CREB5: variants seen among roughly 807,000 people sequenced by gnomAD.
The protein encoded by CREB5 is cAMP responsive element binding protein 5.
CREB5 carries 19 observed loss-of-function variants against 57.1 expected under a neutral mutation model. The ratio of observed to expected loss-of-function variants is 0.33; its 90% CI spans 0.23 to 0.49. The LOEUF (loss-of-function observed/expected upper bound fraction) is 0.49. Among genes scored for constraint, CREB5 ranks in the 20% least tolerant of loss-of-function variants. The probability of loss-of-function intolerance (pLI) is 0.99; values close to 1 mark genes in which losing one functional copy is unlikely to be tolerated. For missense variants in CREB5, 579 were observed against 671.6 expected (o/e 0.86, Z 1.52); for synonymous variants, 238 against 238.3 (o/e 1.00, Z 0.01).
chr7:28,488,862 C>T (rs1051988642), intron 2 of CREB5, among the ~76,000 whole-genome samples: 1 of 152,178 alleles, frequency 6.6e-6, no homozygotes, highest in African/African-American at 2.4e-5. Flanking sequence ...GAGTGTTTAA[C>T]ATAGGGTCTG....
chr7:28,532,155 C>G (rs1203149097), intron 4 of CREB5, among the ~76,000 whole-genome samples: 1 of 152,200 alleles, frequency 6.6e-6, no homozygotes, highest in Non-Finnish European at 1.5e-5. Context: ...TATGAGGACA[C>G]TCAAGCAGCC....
intron 5 of CREB5, among the ~76,000 whole-genome samples, chr7:28,679,690 C>T (rs1202101396): frequency 1.3e-5 from 2 of 152,194 alleles, no homozygotes; most frequent in African/African-American, 4.8e-5. Context: ...ATTGCCTCTC[C>T]TGATTCCAGG....
At chr7:28,771,898 C>G (rs1806346543) in intron 7 of CREB5, among the ~76,000 whole-genome samples, 1 of 152,166 alleles carries the variant, frequency 6.6e-6, no homozygotes, top group Non-Finnish European at 1.5e-5. Context: ...TCCATAAACT[C>G]AGGGAGCATC....
intron 5 of CREB5, among the ~76,000 whole-genome samples, chr7:28,585,447 C>T (rs1470701590): frequency 6.6e-6 from 1 of 152,186 alleles, no homozygotes; most frequent in Non-Finnish European, 1.5e-5. Context: ...TAGGTGGTGC[C>T]TAATGCATCT....
chr7:28,618,742 A>G (rs1797684252), intron 5 of CREB5, among the ~76,000 whole-genome samples: 1 of 152,184 alleles, frequency 6.6e-6, no homozygotes, highest in South Asian at 2.1e-4. Context: ...TGGCTAGACA[A>G]CACCCCCAAC....
chr7:28,778,883 C>T (rs938409389), intron 7 of CREB5: 4 of 152,120 alleles, frequency 2.6e-5, no homozygotes, highest in South Asian at 2.1e-4. Context: ...GATTTAATCA[C>T]GTATTTTTAT....
chr7:28,713,432 G>A (rs574708220), intron 5 of CREB5, among the ~76,000 whole-genome samples: 9 of 152,312 alleles, frequency 5.9e-5, no homozygotes, highest in East Asian at 1.9e-4. Flanking sequence ...CATGAGTCCC[G>A]TGGAATATAA....
chr7:28,348,408 T>TCTCACA (rs1376338798), intron 1 of CREB5, among the ~76,000 whole-genome samples: 37 of 118,246 alleles, frequency 3.1e-4, no homozygotes, highest in African/African-American at 9.8e-4. Context: ...TCTCTCTCTC[T>TCTCACA]CACACACACA....
chr7:28,409,473 G>A, upstream of CREB5: 1 of 160,024 alleles, frequency 6.2e-6, no homozygotes, highest in Non-Finnish European at 1.4e-5. This position sits in a 1 kb window ranked among gnomAD's most constrained non-coding sequence, Gnocchi z 4.4. Flanking sequence ...TTTGCATTTA[G>A]CCACTTTTGT....
At chr7:28,572,166 C>G (rs146412280) in intron 5 of CREB5, among the ~76,000 whole-genome samples, 214 of 152,266 alleles carry the variant, frequency 1.4e-3, no homozygotes, top group Middle Eastern at 0.01. Context: ...TTAAGACCCA[C>G]CTTAAGAAAT....
At chr7:28,428,645 A>G (rs1788599529) in intron 1 of CREB5, among the ~76,000 whole-genome samples, 1 of 152,214 alleles carries the variant, frequency 6.6e-6, no homozygotes, top group Admixed American at 6.5e-5. Flanking sequence ...GAACAGGGTC[A>G]GTGTGGGAGA....
chr7:28,502,238 G>C (rs1012923574), intron 3 of CREB5, among the ~76,000 whole-genome samples: 3 of 152,098 alleles, frequency 2.0e-5, no homozygotes, highest in Non-Finnish European at 4.4e-5. Flanking sequence ...TGTTGTGATT[G>C]ATTATCGATC....
intron 7 of CREB5, among the ~76,000 whole-genome samples, chr7:28,767,587 T>G (rs567746599): frequency 1.0e-3 from 156 of 152,346 alleles, no homozygotes; most frequent in African/African-American, 3.6e-3. Flanking sequence ...TGGCATACAC[T>G]GAGGAGCATT....
chr7:28,456,989 C>T (rs1305294478), intron 1 of CREB5, among the ~76,000 whole-genome samples: 1 of 152,168 alleles, frequency 6.6e-6, no homozygotes, highest in Non-Finnish European at 1.5e-5. Flanking sequence ...GAACATGGTG[C>T]TGTTACATTT....
In CREB5 at chr7:28,820,135, G is replaced by A. The variant is rs1809677592; in HGVS notation, c.*856G>A. 6.6e-6 allele frequency: 1 copy of A among 152,292 alleles called. No homozygotes were observed. The highest frequency in any genetic ancestry group is 1.5e-5 in the Non-Finnish European group (1 of 68,012). 9.4% of individuals were successfully genotyped at this position (152,292 alleles called of 1,614,324 possible). A position where few individuals can be genotyped will look rare whatever the true frequency, so the allele number is the denominator to read the frequency against. ...AGATGTTTAATGTGCCTGATTTAAT[G>A]TTTTTAATAATCACAGCAAATGAAA... On this transcript the variant is annotated 3_prime_UTR_variant, in exon 11 of 11. Transcript: ENST00000357727.
At chr7:28,328,644 C>T (rs536606160) in intron 1 of CREB5, among the ~76,000 whole-genome samples, 5 of 152,266 alleles carry the variant, frequency 3.3e-5, no homozygotes, top group East Asian at 1.9e-4. Context: ...GTTTAGAGGG[C>T]GTCTGCTATA....
At chr7:28,368,491 T>C (rs4722789) in intron 1 of CREB5, among the ~76,000 whole-genome samples, 144,931 of 152,268 alleles carry the variant, frequency 0.95, 69,252 homozygotes, top group East Asian at 1. Flanking sequence ...TCCACTTTCA[T>C]GTTTGTCTTG....
chr7:28,322,986 C>A (rs1420610194), intron 1 of CREB5, among the ~76,000 whole-genome samples: 1 of 152,196 alleles, frequency 6.6e-6, no homozygotes, highest in Non-Finnish European at 1.5e-5. Flanking sequence ...AGCTAACCAA[C>A]TCTAGTACTC....
chr7:28,819,066 T>C, intron 10 of CREB5, 50 bp from the exon 11 acceptor site: 2 of 1,559,222 alleles, frequency 1.3e-6, no homozygotes, highest in Non-Finnish European at 1.7e-6. Flanking sequence ...AAAAAAGACC[T>C]ATATTGGTGT....
Sources: allele counts gnomAD v4.1 joint callset (sites outside exome capture counted in the v4.1 genomes callset), GRCh38; gene constraint gnomAD v4.1.1; non-coding constraint Gnocchi (gnomAD v3.1); transcripts MANE v1.5; gene names NCBI Gene and HGNC (gene_info 2026-07-23, HGNC 2026-07-21).